Variants in HECTD2 observed in about 807,000 individuals in gnomAD.
HECTD2 encodes the protein probable E3 ubiquitin-protein ligase HECTD2.
A neutral mutation model predicts 103.2 loss-of-function variants in HECTD2; 35 were observed. That is an observed-to-expected ratio of 0.34 (90% CI 0.26 to 0.45). The LOEUF is 0.45. Among genes scored for constraint, HECTD2 ranks in the 20% least tolerant of loss-of-function variants. The pLI, the probability that HECTD2 is intolerant of heterozygous loss-of-function variation, is 1.00. For synonymous variants in HECTD2, 281 were observed against 329.9 expected, an observed-to-expected ratio of 0.85 and a Z score of 1.61; for missense variants, 596 against 937.4, an observed-to-expected ratio of 0.64 and a Z score of 4.76.
chr10:91,505,711 C>A (rs1458516623), intron 20 of HECTD2, among the ~76,000 whole-genome samples: 1 of 151,554 alleles, frequency 6.6e-6, no homozygotes, highest in East Asian at 1.9e-4. Flanking sequence ...TTAGACAGAT[C>A]AACGAGACAG....
At chr10:91,505,396 C>A (rs953285789) in intron 20 of HECTD2, among the ~76,000 whole-genome samples, 1 of 152,112 alleles carries the variant, frequency 6.6e-6, no homozygotes. Context: ...TGCAGGGACA[C>A]ACATAGGCTC....
At position 91,512,567 on chromosome 10, in the gene HECTD2, C is replaced by A; in HGVS notation, c.*183C>A. ...AAAGGCATAATTTTCTAAAAACACACACAGAAATCGCTTGAGTGAGGAAAA... is the reference window on the plus strand; with the variant it reads ...AAAGGCATAATTTTCTAAAAACACAAACAGAAATCGCTTGAGTGAGGAAAA... On this transcript the variant is annotated 3_prime_UTR_variant, in exon 21 of 21. Coordinates refer to ENST00000298068, the MANE Select transcript of HECTD2 (RefSeq NM_182765.6). The A allele has an allele frequency of 1.8e-6, 1 of 562,338 alleles. No individual in the cohort carries two copies. Among genetic ancestry groups the A allele is most frequent in the Non-Finnish European group, 3.0e-6 (1 of 329,842 alleles). The allele number at this position is 562,338 out of a possible 1,614,324, so 34.8% of individuals were successfully genotyped here. A position where few individuals can be genotyped will look rare whatever the true frequency, so the allele number is the denominator to read the frequency against.
At chr10:91,460,170 G>A (rs1589508015) in intron 2 of HECTD2, among the ~76,000 whole-genome samples, 2 of 152,028 alleles carry the variant, frequency 1.3e-5, no homozygotes, top group Non-Finnish European at 2.9e-5. Flanking sequence ...TTTTGAGGGG[G>A]AAGGGAAAAA....
intron 7 of HECTD2, 60 bp downstream of exon 7, chr10:91,481,199 A>T (rs1444182591): frequency 4.1e-6 from 3 of 739,942 alleles, no homozygotes; most frequent in Middle Eastern, 2.4e-4. Flanking sequence ...CTACATGTGT[A>T]TGTGAAATGA....
intron 20 of HECTD2, among the ~76,000 whole-genome samples, chr10:91,508,935 T>C (rs1166562252): frequency 6.6e-6 from 1 of 151,958 alleles, no homozygotes; most frequent in Non-Finnish European, 1.5e-5. Context: ...CATGGAATAC[T>C]ATGCAGCCAT....
At chr10:91,430,129 G>A (rs1374747657) in intron 2 of HECTD2, among the ~76,000 whole-genome samples, 1 of 152,024 alleles carries the variant, frequency 6.6e-6, no homozygotes, top group Non-Finnish European at 1.5e-5. Context: ...CCTTCATTTC[G>A]TTATGTACCC....
Position 91,461,285 on chromosome 10 carries a change from G to C in HECTD2, c.439G>C (p.Asp147His), listed in dbSNP as rs757672508. 3.2e-6 allele frequency: 5 copies of C among 1,547,862 alleles called. No homozygotes were observed. The highest frequency in any genetic ancestry group is 4.4e-6 in the Non-Finnish European group (5 of 1,145,854). The change falls in exon 4 of 21, where the codon GAT becomes CAT. Residue 147 changes from aspartate (D) to histidine (H), a missense_variant. Asp to His is a moderately conservative substitution (Grantham distance 81). This residue lies in a region of HECTD2 where 220 missense variants were observed against 233.9 expected (regional missense o/e 0.94). Coordinates refer to ENST00000298068, the MANE Select transcript of HECTD2 (RefSeq NM_182765.6). ...EDVEKVKSSG[D>H]WKAVHDFYLT... ...TGTAGAAAAAGTTAAGTCATCAGGA[G>C]ATTGGAAAGCAGTACATGATTTTTA...
chr10:91,469,774 G>A (rs1431683620), intron 5 of HECTD2, among the ~76,000 whole-genome samples: 3 of 152,148 alleles, frequency 2.0e-5, no homozygotes, highest in African/African-American at 7.2e-5. Context: ...AAGGCACAGA[G>A]TGGCAAGTTG....
At chr10:91,512,216 T>G in intron 20 of HECTD2, 48 bp from the exon 21 acceptor site, 1 of 1,590,824 alleles carries the variant, frequency 6.3e-7, no homozygotes, top group Non-Finnish European at 8.6e-7. Context: ...AGCAGTCATT[T>G]TGTGTGTGTT....
At chr10:91,432,821 C>T (rs1457035365) in intron 2 of HECTD2, among the ~76,000 whole-genome samples, 3 of 151,800 alleles carry the variant, frequency 2.0e-5, no homozygotes, top group African/African-American at 7.3e-5. Context: ...GTTTTTACAC[C>T]CCCTAGAGAA....
chr10:91,449,482 C>T (rs2133144187), intron 2 of HECTD2, among the ~76,000 whole-genome samples: 1 of 152,176 alleles, frequency 6.6e-6, no homozygotes, highest in African/African-American at 2.4e-5. Flanking sequence ...TAAGAACTGA[C>T]AGAAGACAAG....
chr10:91,430,571 G>A (rs571700648), intron 2 of HECTD2, among the ~76,000 whole-genome samples: 1 of 152,192 alleles, frequency 6.6e-6, no homozygotes, highest in African/African-American at 2.4e-5. Context: ...TCCTGTGTTG[G>A]GTGCATATAT....
In HECTD2 at chr10:91,512,514, A is replaced by T. The variant is rs182101810; in HGVS notation, c.*130A>T. ...ACCAACTTTAAAATATTAAGTTTTT[A>T]AAAAATCAAATATGAAGTATGTTCA... On this transcript the variant is annotated 3_prime_UTR_variant, in exon 21 of 21. Coordinates refer to ENST00000298068, the MANE Select transcript of HECTD2 (RefSeq NM_182765.6). 1,617 of 869,978 alleles carry T rather than the reference A, an allele frequency of 1.9e-3. 1 individual carries two copies. The highest frequency in any genetic ancestry group is 2.7e-3 in the Admixed American group (107 of 40,318). 53.9% of individuals were successfully genotyped at this position (869,978 alleles called of 1,614,324 possible). A position where few individuals can be genotyped will look rare whatever the true frequency, so the allele number is the denominator to read the frequency against.
rs371308612 is a variant in HECTD2 at position 91,512,751 on chromosome 10, T to C, written c.*367T>C. 1.0e-4 allele frequency: 19 copies of C among 184,018 alleles called. No homozygotes were observed. The East Asian group carries it at 2.3e-3, about 22-fold the overall frequency. The allele number at this position is 184,018 out of a possible 1,614,324, so 11.4% of individuals were successfully genotyped here. A position where few individuals can be genotyped will look rare whatever the true frequency, so the allele number is the denominator to read the frequency against. ...AACCCAGTGGCAGATTGTACACTGC[T>C]AGCACTGCTAGCACACAGTAGCAAA... On this transcript the variant is annotated 3_prime_UTR_variant, in exon 21 of 21. Coordinates refer to ENST00000298068, the MANE Select transcript of HECTD2 (RefSeq NM_182765.6).
chr10:91,464,843 T>A (rs561011684), intron 5 of HECTD2: 1 of 152,370 alleles, frequency 6.6e-6, no homozygotes, highest in African/African-American at 2.4e-5. Context: ...TGAGTTCTTT[T>A]GACTTGGAAT....
Position 91,499,027 on chromosome 10 carries a change from G to T in HECTD2, c.1844-17G>T, listed in dbSNP as rs753284503. The T allele has an allele frequency of 3.2e-6, 5 of 1,580,902 alleles. No individual in the cohort carries two copies. Among genetic ancestry groups the T allele is most frequent in the African/African-American group, 1.3e-5 (1 of 74,182 alleles). ...CATTTACTTTTACTATTTAAGAGAT[G>T]TAAAATTGCTTTTCAGAATATGTAC... On this transcript the variant is annotated splice_polypyrimidine_tract_variant and intron_variant, in intron 17 of 20. Transcript: ENST00000298068.
At chr10:91,456,046 A>G (rs1350222156) in intron 2 of HECTD2, among the ~76,000 whole-genome samples, 5 of 151,932 alleles carry the variant, frequency 3.3e-5, no homozygotes, top group Non-Finnish European at 1.5e-5. Context: ...GGATTGACTT[A>G]GCAATGCGGG....
chr10:91,498,968 A>G lies in HECTD2; in HGVS notation c.1843+9A>G. Reference sequence around the variant, plus strand: ...CAATCAAAATAGAAAAGGTAAGTTAATACCCTTTTTAATTAAAATGAATTA... The same window carrying G: ...CAATCAAAATAGAAAAGGTAAGTTAGTACCCTTTTTAATTAAAATGAATTA... On this transcript the variant is annotated intron_variant, in intron 17 of 20. Transcript: ENST00000298068. The G allele has an allele frequency of 6.4e-7, 1 of 1,569,324 alleles. No homozygotes were observed. The highest frequency in any genetic ancestry group is 8.8e-7 in the Non-Finnish European group (1 of 1,141,420).
At chr10:91,422,866 A>T (rs1843412367) in intron 1 of HECTD2, among the ~76,000 whole-genome samples, 1 of 152,120 alleles carries the variant, frequency 6.6e-6, no homozygotes. Context: ...TTGTTTGGAG[A>T]TCCCACAAGT....
Sources: gnomAD v4.1 joint callset for allele counts (sites outside exome capture counted in the v4.1 genomes callset) on GRCh38, gnomAD v4.1.1 for gene constraint, gnomAD v4.1.1 regional missense constraint, MANE v1.5 for transcripts, NCBI Gene and HGNC (gene_info 2026-07-23, HGNC 2026-07-21) for gene names.